Variants in FGF12 observed in about 807,000 individuals in gnomAD.
The protein encoded by FGF12 is fibroblast growth factor 12, also known as fibroblast growth factor 12B.
Under a neutral mutation model 23.6 loss-of-function variants are expected in FGF12, and 14 were observed. The observed-to-expected ratio is 0.59, with a 90% CI of 0.39 to 0.93. FGF12 has a LOEUF of 0.93. Among genes scored for constraint, FGF12 ranks in the 40% least tolerant of loss-of-function variants. The probability of loss-of-function intolerance (pLI) is 0.00; values close to 1 mark genes in which losing one functional copy is unlikely to be tolerated. For missense variants in FGF12, 175 were observed against 217.8 expected (o/e 0.80, Z 1.24); for synonymous variants, 62 against 77.3 (o/e 0.80, Z 1.04).
chr3:192,163,391 G>A (rs1416064238), intron 5 of FGF12, among the ~76,000 whole-genome samples: 2 of 152,098 alleles, frequency 1.3e-5, no homozygotes, highest in Admixed American at 1.3e-4. Context: ...TAGTAGTAGG[G>A]AATGTAAAAA....
chr3:192,391,335 G>A (rs1203366590), intron 2 of FGF12, among the ~76,000 whole-genome samples: 1 of 152,094 alleles, frequency 6.6e-6, no homozygotes, highest in Non-Finnish European at 1.5e-5. Context: ...TAGACCAACT[G>A]GTGATTTAAT....
chr3:192,210,169 TCTAGACAGCGGCA>T (rs1717856923), intron 4 of FGF12, among the ~76,000 whole-genome samples: 1 of 152,106 alleles, frequency 6.6e-6, no homozygotes, highest in South Asian at 2.1e-4. Flanking sequence ...GAAGGAAATG[TCTAGACAGCGGCA>T]CAGAAAGAAA....
chr3:192,304,391 A>C (rs866779827), intron 4 of FGF12, among the ~76,000 whole-genome samples: 137 of 152,216 alleles, frequency 9.0e-4, no homozygotes, highest in African/African-American at 3.2e-3. Flanking sequence ...TATAACTAAA[A>C]ACTTGGGATA....
intron 2 of FGF12, among the ~76,000 whole-genome samples, chr3:192,586,377 C>T (rs2108618174): frequency 6.6e-6 from 1 of 152,300 alleles, no homozygotes; most frequent in African/African-American, 2.4e-5. Flanking sequence ...CTCTAAACCT[C>T]AATTTCCATA....
At chr3:192,494,563 C>A (rs1038058986) in intron 2 of FGF12, among the ~76,000 whole-genome samples, 8 of 152,146 alleles carry the variant, frequency 5.3e-5, no homozygotes, top group Non-Finnish European at 2.9e-5. Flanking sequence ...TGGTCATTAT[C>A]CCCTAGATGC....
At chr3:192,542,971 G>A (rs1406240549) in intron 2 of FGF12, among the ~76,000 whole-genome samples, 1 of 152,058 alleles carries the variant, frequency 6.6e-6, no homozygotes, top group Non-Finnish European at 1.5e-5. Flanking sequence ...GTATGGTACT[G>A]GGGTCTCACC....
intron 2 of FGF12, among the ~76,000 whole-genome samples, chr3:192,406,081 T>C (rs1357415341): frequency 6.6e-6 from 1 of 152,036 alleles, no homozygotes; most frequent in Non-Finnish European, 1.5e-5. Context: ...GGGAGGCAAA[T>C]TAAACGAACA....
intron 2 of FGF12, among the ~76,000 whole-genome samples, chr3:192,379,929 T>C (rs1719745453): frequency 6.6e-6 from 1 of 152,222 alleles, no homozygotes; most frequent in African/African-American, 2.4e-5. Flanking sequence ...GATAAGACAT[T>C]GACTTACGAT....
chr3:192,721,941 A>G (rs1251636836), intron 2 of FGF12, among the ~76,000 whole-genome samples: 1 of 152,172 alleles, frequency 6.6e-6, no homozygotes, highest in Non-Finnish European at 1.5e-5. Flanking sequence ...AACCTACTAG[A>G]ACTCTGAAAG....
Position 192,358,038 on chromosome 3 carries a change from C to T in FGF12, c.124+2390G>A, listed in dbSNP as rs569676720. On this transcript the variant is annotated intron_variant, in intron 3 of 5. Coordinates refer to ENST00000445105, the MANE Select transcript of FGF12 (RefSeq NM_004113.6). ...AAATAAATATATTACCATATACAAA[C>T]CTCACAACCATAATATTGGGGATTA... 1.3e-3 allele frequency among the ~76,000 whole-genome samples: 193 copies of T among 152,032 alleles called. No individual in the cohort carries two copies. The Middle Eastern group carries it at 0.017, about 13-fold the overall frequency.
chr3:192,677,439 C>A, intron 2 of FGF12, among the ~76,000 whole-genome samples: 1 of 152,242 alleles, frequency 6.6e-6, no homozygotes, highest in Middle Eastern at 3.4e-3. Flanking sequence ...TGGCCCAGAG[C>A]GTTTTATACA....
intron 4 of FGF12, among the ~76,000 whole-genome samples, chr3:192,326,964 A>G (rs1716852051): frequency 6.6e-6 from 1 of 152,208 alleles, no homozygotes; most frequent in South Asian, 2.1e-4. Context: ...CACATGGGAA[A>G]ATATGAGAAG....
At chr3:192,693,589 C>T (rs1577125211) in intron 2 of FGF12, among the ~76,000 whole-genome samples, 2 of 151,946 alleles carry the variant, frequency 1.3e-5, no homozygotes, top group African/African-American at 2.4e-5. Flanking sequence ...AATAGGGAGG[C>T]CAGAAATAAA....
chr3:192,681,644 A>G (rs1406237244), intron 2 of FGF12, among the ~76,000 whole-genome samples: 1 of 152,244 alleles, frequency 6.6e-6, no homozygotes, highest in East Asian at 1.9e-4. Context: ...GTTAACTGGA[A>G]GTCATTTTTT....
In FGF12 at chr3:192,514,766, G is replaced by A. The variant is rs186453320; in HGVS notation, c.14-154228C>T. 1.5e-4 allele frequency: 147 copies of A among 985,402 alleles called. No individual in the cohort carries two copies. The Middle Eastern group carries it at 2.1e-3, about 14-fold the overall frequency. The allele number at this position is 985,402 out of a possible 1,614,324, so 61.0% of individuals were successfully genotyped here. The stretch of plus-strand genomic sequence containing the variant: ...AGCTCAAGAATCTTCATGGAGAAGC[G>A]CGTGTGTGGGGTTGGTCAACTCCCC... On this transcript the variant is annotated intron_variant, in intron 2 of 5. Coordinates refer to ENST00000445105, the MANE Select transcript of FGF12 (RefSeq NM_004113.6). The surrounding 1 kb of genome is among the most constrained non-coding windows in gnomAD (Gnocchi z 4.9).
At chr3:192,427,698 C>G (rs1462424594) in intron 2 of FGF12, among the ~76,000 whole-genome samples, 1 of 151,990 alleles carries the variant, frequency 6.6e-6, no homozygotes, top group East Asian at 1.9e-4. Flanking sequence ...ACAATTTTTT[C>G]AAGAGCAGAT....
chr3:192,356,190 C>T (rs902308971), intron 3 of FGF12, among the ~76,000 whole-genome samples: 1 of 152,146 alleles, frequency 6.6e-6, no homozygotes, highest in African/African-American at 2.4e-5. Context: ...CTGCTTCCTC[C>T]TCCCACACCA....
rs555184714 is a variant in FGF12, at chr3:192,576,877, T to TA, written c.13+150303dup. 2.6e-4 allele frequency among the ~76,000 whole-genome samples: 39 copies of TA among 152,150 alleles called. No homozygotes were observed. In the East Asian group the frequency reaches 6.8e-3, roughly 26 times the overall value. Reference sequence around the variant, plus strand: ...GACACCATGGAATACTATGCAGCCATAAAAAAGGACGAGTTCATGTTCTTT... The same window carrying TA: ...GACACCATGGAATACTATGCAGCCATAAAAAAAGGACGAGTTCATGTTCTTT... On this transcript the variant is annotated intron_variant, in intron 2 of 5. Transcript: ENST00000445105.
chr3:192,571,947 T>C (rs541986970), intron 2 of FGF12, among the ~76,000 whole-genome samples: 1 of 152,000 alleles, frequency 6.6e-6, no homozygotes, highest in South Asian at 2.1e-4. Context: ...TTGCTGTTTT[T>C]TTTTTTTTTT....
Sources: gnomAD v4.1 joint callset for allele counts (sites outside exome capture counted in the v4.1 genomes callset) on GRCh38, gnomAD v4.1.1 for gene constraint, Gnocchi (gnomAD v3.1) non-coding constraint, MANE v1.5 for transcripts, NCBI Gene and HGNC (gene_info 2026-07-23, HGNC 2026-07-21) for gene names.